ANAPC11: variants seen among roughly 807,000 people sequenced by gnomAD.
ANAPC11 encodes anaphase-promoting complex subunit 11.
A neutral mutation model predicts 11.8 loss-of-function variants in ANAPC11; 5 were observed. That is an observed-to-expected ratio of 0.42 (90% CI 0.22 to 0.89). ANAPC11 has a LOEUF of 0.89. Among genes scored for constraint, ANAPC11 ranks in the 40% least tolerant of loss-of-function variants. The pLI, the probability that ANAPC11 is intolerant of heterozygous loss-of-function variation, is 0.28. For missense variants in ANAPC11, 68 were observed against 112.9 expected, an observed-to-expected ratio of 0.60 and a Z score of 1.80; for synonymous variants, 45 against 41.0, an observed-to-expected ratio of 1.10 and a Z score of -0.38.
intron 3 of ANAPC11, among the ~76,000 whole-genome samples, chr17:81,897,213 A>T (rs1052131719): frequency 2.0e-5 from 3 of 152,082 alleles, no homozygotes; most frequent in Admixed American, 1.3e-4. Context: ...GTTGGCCAGG[A>T]TGGTCTCGAT....
chr17:81,894,680 G>A (rs1396197948), intron 3 of ANAPC11, 94 bp downstream of exon 3: 5 of 570,464 alleles, frequency 8.8e-6, no homozygotes, highest in African/African-American at 2.0e-5. Context: ...AGTAGCTCCT[G>A]TTAAATACCT....
rs2039888647 is a variant in ANAPC11, at chr17:81,900,015, G to A, written c.205G>A (p.Val69Met). Residue 69 changes from valine to methionine, a missense_variant, in exon 4 of 4, where the codon GTG becomes ATG. Physicochemically the swap from Val to Met is conservative, Grantham distance 21. Transcript: ENST00000344877. ...CCTCAAGTGGCTGCACGCACAGCAG[G>A]TGCAGCAGCACTGCCCCATGTGCCG... ...CILKWLHAQQ[V>M]QQHCPMCRQE... is the part of the protein sequence containing the mutation. 1.9e-6 allele frequency: 3 copies of A among 1,612,766 alleles called. No individual in the cohort carries two copies. The highest frequency in any genetic ancestry group is 3.3e-5 in the Admixed American group (2 of 59,974).
intron 3 of ANAPC11, among the ~76,000 whole-genome samples, chr17:81,895,168 C>T (rs2039695886): frequency 6.6e-6 from 1 of 150,600 alleles, no homozygotes. Context: ...GATTCTCCTG[C>T]CTCAGCCTTC....
chr17:81,899,133 C>G (rs1363710902), intron 3 of ANAPC11: 7 of 1,200,650 alleles, frequency 5.8e-6, no homozygotes, highest in Admixed American at 2.3e-5. Context: ...CTGGGACTTG[C>G]TGTGCTCTGT....
chr17:81,890,935 C>T, upstream of ANAPC11: 1 of 1,485,548 alleles, frequency 6.7e-7, no homozygotes, highest in Non-Finnish European at 9.1e-7. Context: ...CCGGCCGAAA[C>T]GGGGCCGCCA....
chr17:81,896,737 C>A (rs1313019273), intron 3 of ANAPC11, among the ~76,000 whole-genome samples: 1 of 151,244 alleles, frequency 6.6e-6, no homozygotes, highest in Non-Finnish European at 1.5e-5. Context: ...TCCTGGGCTC[C>A]AGCCATCCTA....
chr17:81,899,261 C>T (rs74006125), intron 3 of ANAPC11: 2 of 1,612,026 alleles, frequency 1.2e-6, no homozygotes, highest in Non-Finnish European at 8.5e-7. Flanking sequence ...ATGGAGAAAG[C>T]ATTTCTAGGT....
At chr17:81,894,152 T>A in intron 2 of ANAPC11, 1 of 184,004 alleles carries the variant, frequency 5.4e-6, no homozygotes, top group Admixed American at 6.2e-5. Context: ...GTCACGTGCC[T>A]ATAGCCTCAG....
chr17:81,891,333 G>C, upstream of ANAPC11: 1 of 1,162,588 alleles, frequency 8.6e-7, no homozygotes, highest in Non-Finnish European at 1.1e-6. Flanking sequence ...CCTGCTGTAG[G>C]GCGCCGGTCG....
At chr17:81,899,836 C>T (rs1016739134) in intron 3 of ANAPC11, 84 bp from the exon 4 acceptor site, 2 of 1,399,752 alleles carry the variant, frequency 1.4e-6, no homozygotes, top group African/African-American at 2.9e-5. Flanking sequence ...GCCCAGGGTC[C>T]CTACCTGCAC....
chr17:81,898,580 T>G (rs527957509), intron 3 of ANAPC11: 1 of 152,506 alleles, frequency 6.6e-6, no homozygotes, highest in Non-Finnish European at 1.5e-5. Context: ...TGTGCTTCCA[T>G]ACTAAGCAGC....
chr17:81,899,187 A>G (rs1310529288), intron 3 of ANAPC11: 5 of 1,550,348 alleles, frequency 3.2e-6, no homozygotes, highest in Non-Finnish European at 4.4e-6. Context: ...CTTGGAGATC[A>G]GGGACACTCA....
rs74006124 is a variant in ANAPC11 at position 81,899,095 on chromosome 17, C to T, written c.110-825C>T. 4.2e-3 allele frequency: 3,694 copies of T among 882,794 alleles called. 82 individuals are homozygous for T. The African/African-American group carries it at 0.057, about 14-fold the overall frequency. 54.7% of individuals were successfully genotyped at this position (882,794 alleles called of 1,614,324 possible). ...GGCCACGAGCTCCAGCTCCACAATG[C>T]CAGGCCGACCCTGCCGTGGGGCTGG... On this transcript the variant is annotated intron_variant, in intron 3 of 3. Coordinates refer to ENST00000344877, the MANE Select transcript of ANAPC11 (RefSeq NM_001002248.3).
At chr17:81,891,282 G>GC, upstream of ANAPC11, 2 of 1,106,064 alleles carry the variant, frequency 1.8e-6, no homozygotes, top group Non-Finnish European at 2.2e-6. Flanking sequence ...GCCCCGGCTG[G>GC]CCCCCTCCCA....
rs867571786 is a variant in ANAPC11 at position 81,894,347 on chromosome 17, C to T, written c.-11-120C>T. Reference sequence around the variant, plus strand: ...GGACTCCTGGGCCGGTATGATCTTCCTGCCTTGGCCCCCTGAGTAGCTGGG... The same window carrying T: ...GGACTCCTGGGCCGGTATGATCTTCTTGCCTTGGCCCCCTGAGTAGCTGGG... On this transcript the variant is annotated intron_variant, in intron 2 of 3. Coordinates refer to ENST00000344877, the MANE Select transcript of ANAPC11 (RefSeq NM_001002248.3). 2.4e-5 allele frequency: 11 copies of T among 465,332 alleles called. No individual in the cohort carries two copies. In the Middle Eastern group the frequency reaches 1.5e-3, roughly 65 times the overall value. 28.8% of individuals were successfully genotyped at this position (465,332 alleles called of 1,614,324 possible).
Position 81,898,933 on chromosome 17 carries a change from G to A in ANAPC11, c.110-987G>A. On this transcript the variant is annotated intron_variant, in intron 3 of 3. Coordinates refer to ENST00000344877, the MANE Select transcript of ANAPC11 (RefSeq NM_001002248.3). Reference sequence around the variant, plus strand: ...TGGCCCAGACCCCTCTCCTCAGGGGGCTAGCAGGCTTCAGCTCTCATTTGA... The same window carrying A: ...TGGCCCAGACCCCTCTCCTCAGGGGACTAGCAGGCTTCAGCTCTCATTTGA... The A allele has an allele frequency of 7.0e-6, 3 of 430,326 alleles. 1 individual carries two copies. The South Asian group carries it at 8.7e-5, about 12-fold the overall frequency. The allele number at this position is 430,326 out of a possible 1,614,324, so 26.7% of individuals were successfully genotyped here.
At chr17:81,899,314 G>A in intron 3 of ANAPC11, 4 of 1,613,504 alleles carry the variant, frequency 2.5e-6, no homozygotes, top group Non-Finnish European at 3.4e-6. Context: ...CTGGGAGGCA[G>A]GGCCCATCCA....
At chr17:81,898,059 A>C (rs2039801601) in intron 3 of ANAPC11, 1 of 152,236 alleles carries the variant, frequency 6.6e-6, no homozygotes, top group Non-Finnish European at 1.5e-5. Context: ...ACCTGATTGG[A>C]TTTGTAGTTA....
At chr17:81,899,054 G>T (rs1207952078) in intron 3 of ANAPC11, 4 of 646,690 alleles carry the variant, frequency 6.2e-6, no homozygotes, top group African/African-American at 3.7e-5. Flanking sequence ...GGCCGGCGCT[G>T]CCAGGACAGG....
Sources: allele counts gnomAD v4.1 joint callset (sites outside exome capture counted in the v4.1 genomes callset), GRCh38; gene constraint gnomAD v4.1.1; transcripts MANE v1.5; gene names NCBI Gene and HGNC (gene_info 2026-07-23, HGNC 2026-07-21).